Variants in OTUD7A observed in about 807,000 individuals in gnomAD.
The protein encoded by OTUD7A is OTU deubiquitinase 7A, also known as OTU domain-containing protein 7A.
OTUD7A carries 12 observed loss-of-function variants against 65.7 expected under a neutral mutation model. That is an observed-to-expected ratio of 0.18 (90% confidence interval 0.12 to 0.30). OTUD7A has a LOEUF of 0.30. OTUD7A is among the 10% of genes least tolerant of loss of function. The pLI, the probability that OTUD7A is intolerant of heterozygous loss-of-function variation, is 1.00. For synonymous variants in OTUD7A, 641 were observed against 586.3 expected, an observed-to-expected ratio of 1.09 and a Z score of -1.35; for missense variants, 1,148 against 1,304.8, an observed-to-expected ratio of 0.88 and a Z score of 1.85.
chr15:31,832,024 A>G (rs1452006379), intron 1 of OTUD7A, among the ~76,000 whole-genome samples: 2 of 152,230 alleles, frequency 1.3e-5, no homozygotes, highest in Non-Finnish European at 2.9e-5. Context: ...CTGTATCTTG[A>G]TATGGACTTG....
intron 1 of OTUD7A, among the ~76,000 whole-genome samples, chr15:31,732,758 A>C (rs1023439432): frequency 1.3e-5 from 2 of 148,894 alleles, no homozygotes; most frequent in Non-Finnish European, 3.0e-5. Context: ...ATGACAAAGA[A>C]GACAAAGAGT....
At chr15:31,559,843 CACAT>C (rs971550126) in intron 4 of OTUD7A, among the ~76,000 whole-genome samples, 4 of 152,200 alleles carry the variant, frequency 2.6e-5, no homozygotes, top group Non-Finnish European at 5.9e-5. Flanking sequence ...TGTGTGCACA[CACAT>C]ACACATGCAC....
intron 1 of OTUD7A, among the ~76,000 whole-genome samples, chr15:31,682,706 C>T (rs1035831646): frequency 6.6e-6 from 1 of 152,174 alleles, no homozygotes; most frequent in Non-Finnish European, 1.5e-5. Context: ...CTGAATGGAT[C>T]ATAGACTAGG....
At chr15:31,634,050 C>T (rs530165705) in intron 3 of OTUD7A, among the ~76,000 whole-genome samples, 1 of 152,142 alleles carries the variant, frequency 6.6e-6, no homozygotes, top group Non-Finnish European at 1.5e-5. Flanking sequence ...TAAATAAATA[C>T]ACCAGACACA....
At chr15:31,634,660 C>G (rs1891284516) in intron 3 of OTUD7A, among the ~76,000 whole-genome samples, 1 of 152,254 alleles carries the variant, frequency 6.6e-6, no homozygotes, top group African/African-American at 2.4e-5. Context: ...GCCCTGTATA[C>G]AGCAGGCAAT....
chr15:31,490,737 T>A (rs1400817012), intron 10 of OTUD7A, among the ~76,000 whole-genome samples: 2 of 152,190 alleles, frequency 1.3e-5, no homozygotes, highest in Non-Finnish European at 2.9e-5. Context: ...CAGGCTCCTC[T>A]CCACAGGACC....
intron 3 of OTUD7A, among the ~76,000 whole-genome samples, chr15:31,606,921 A>G (rs942708386): frequency 1.3e-5 from 2 of 152,230 alleles, no homozygotes; most frequent in Non-Finnish European, 2.9e-5. Flanking sequence ...CAATGAAGTA[A>G]GTGTTTATCA....
intron 1 of OTUD7A, among the ~76,000 whole-genome samples, chr15:31,710,863 A>G (rs530844076): frequency 2.0e-4 from 30 of 152,258 alleles, no homozygotes; most frequent in African/African-American, 7.0e-4. Context: ...CCCCCAGGCC[A>G]CAAACTTGGG....
intron 3 of OTUD7A, among the ~76,000 whole-genome samples, chr15:31,598,259 C>T (rs189383881): frequency 4.5e-4 from 68 of 152,282 alleles, no homozygotes; most frequent in East Asian, 4.1e-3. Flanking sequence ...CCAGTGAGAT[C>T]GACGCAGAAG....
intron 1 of OTUD7A, among the ~76,000 whole-genome samples, chr15:31,671,407 G>A (rs1352972781): frequency 6.6e-6 from 1 of 152,118 alleles, no homozygotes; most frequent in Admixed American, 6.5e-5. Context: ...TCTCTATTCT[G>A]TTCCATTGGT....
At chr15:31,792,182 T>A (rs1213391974) in intron 1 of OTUD7A, among the ~76,000 whole-genome samples, 2 of 152,192 alleles carry the variant, frequency 1.3e-5, no homozygotes, top group Non-Finnish European at 2.9e-5. Context: ...CCTCCACCTC[T>A]TGTCATCTCT....
At chr15:31,832,470 A>C (rs2140984780) in intron 1 of OTUD7A, among the ~76,000 whole-genome samples, 1 of 152,358 alleles carries the variant, frequency 6.6e-6, no homozygotes, top group Non-Finnish European at 1.5e-5. Context: ...ACATAACATA[A>C]AATTTACCAT....
At chr15:31,790,205 A>C (rs920147671) in intron 1 of OTUD7A, among the ~76,000 whole-genome samples, 1 of 152,228 alleles carries the variant, frequency 6.6e-6, no homozygotes, top group Non-Finnish European at 1.5e-5. Context: ...ACATGGCGTC[A>C]GGATCCCTGC....
chr15:31,703,601 A>G (rs201279854), intron 1 of OTUD7A, among the ~76,000 whole-genome samples: 39 of 152,106 alleles, frequency 2.6e-4, no homozygotes, highest in East Asian at 9.7e-4. Context: ...GCAGAGAAAC[A>G]GATCACTCAC....
intron 1 of OTUD7A, among the ~76,000 whole-genome samples, chr15:31,856,319 C>T (rs1178468468): frequency 6.6e-6 from 1 of 152,152 alleles, no homozygotes; most frequent in South Asian, 2.1e-4. Flanking sequence ...CTGGGAAAGG[C>T]ATGGGGATTG....
chr15:31,560,321 C>T (rs1888649742), intron 4 of OTUD7A, among the ~76,000 whole-genome samples: 1 of 152,230 alleles, frequency 6.6e-6, no homozygotes, highest in Admixed American at 6.5e-5. Context: ...TCTTTTGCCA[C>T]AGCACTCTCA....
intron 5 of OTUD7A, among the ~76,000 whole-genome samples, chr15:31,552,891 G>A (rs1185566238): frequency 6.6e-6 from 1 of 152,226 alleles, no homozygotes; most frequent in African/African-American, 2.4e-5. Flanking sequence ...TTGGAAGCAA[G>A]GAATGGTCCC....
chr15:31,602,389 C>T (rs143481103), intron 3 of OTUD7A, among the ~76,000 whole-genome samples: 2,498 of 152,156 alleles, frequency 0.016, 68 homozygotes, highest in African/African-American at 0.056. Flanking sequence ...AAAAGGCCTT[C>T]GACAAAATTC....
chr15:31,795,005 T>C (rs922620757), intron 1 of OTUD7A, among the ~76,000 whole-genome samples: 11 of 152,246 alleles, frequency 7.2e-5, no homozygotes, highest in Non-Finnish European at 1.6e-4. Context: ...ATAAGATTAC[T>C]GCGGCTATAA....
Sources: gnomAD v4.1 joint callset for allele counts (sites outside exome capture counted in the v4.1 genomes callset) on GRCh38, gnomAD v4.1.1 for gene constraint, MANE v1.5 for transcripts, NCBI Gene and HGNC (gene_info 2026-07-23, HGNC 2026-07-21) for gene names.